The following MAST4 variants were observed in gnomAD, a reference collection of about 807,000 sequenced individuals.
MAST4 encodes the protein microtubule-associated serine/threonine-protein kinase 4.
A neutral mutation model predicts 162.7 loss-of-function variants in MAST4; 89 were observed. That is an observed-to-expected ratio of 0.55 (90% CI 0.46 to 0.65). The LOEUF is 0.65. Ranked by LOEUF, MAST4 falls within the 30% of genes least tolerant of loss-of-function variation. The pLI, the probability that MAST4 is intolerant of heterozygous loss-of-function variation, is 0.00. For synonymous variants in MAST4, 1,479 were observed against 1,361.1 expected, an observed-to-expected ratio of 1.09 and a Z score of -1.91; for missense variants, 3,153 against 3,374.0, an observed-to-expected ratio of 0.93 and a Z score of 1.62.
intron 1 of MAST4, among the ~76,000 whole-genome samples, chr5:66,655,707 C>G (rs1204655737): frequency 1.3e-5 from 2 of 152,162 alleles, no homozygotes; most frequent in East Asian, 3.8e-4. Context: ...AAACAAGATG[C>G]ATCACTTTGT....
chr5:66,978,133 C>T (rs1343860395), intron 4 of MAST4, among the ~76,000 whole-genome samples: 1 of 152,164 alleles, frequency 6.6e-6, no homozygotes, highest in African/African-American at 2.4e-5. Context: ...AGAAGATATA[C>T]TTTGAAATCA....
chr5:66,881,536 C>A (rs1385000842), intron 3 of MAST4, among the ~76,000 whole-genome samples: 3 of 152,196 alleles, frequency 2.0e-5, no homozygotes, highest in African/African-American at 7.2e-5. Context: ...CCCCACCTCT[C>A]CTATCCTTAT....
chr5:66,978,395 G>A (rs1748394133), intron 4 of MAST4, among the ~76,000 whole-genome samples: 1 of 152,114 alleles, frequency 6.6e-6, no homozygotes, highest in Non-Finnish European at 1.5e-5. Flanking sequence ...TGTAAGCTAC[G>A]GCATATCAGC....
intron 3 of MAST4, among the ~76,000 whole-genome samples, chr5:66,847,692 G>A (rs1387287186): frequency 1.3e-5 from 2 of 151,070 alleles, no homozygotes; most frequent in Non-Finnish European, 3.0e-5. Context: ...GTGGTGGTGG[G>A]AGCCTGTAAT....
At chr5:66,713,171 T>C (rs555328709) in intron 1 of MAST4, among the ~76,000 whole-genome samples, 2 of 152,368 alleles carry the variant, frequency 1.3e-5, no homozygotes, top group East Asian at 3.9e-4. Context: ...TAAATACTAA[T>C]CTTGTTTGTA....
intron 14 of MAST4, among the ~76,000 whole-genome samples, chr5:67,122,985 A>G (rs1373761430): frequency 6.6e-6 from 1 of 152,144 alleles, no homozygotes; most frequent in African/African-American, 2.4e-5. Context: ...ATCTCTCATT[A>G]TATTTCTGAT....
intron 4 of MAST4, among the ~76,000 whole-genome samples, chr5:67,001,022 T>C (rs367907137): frequency 2.0e-5 from 3 of 152,238 alleles, no homozygotes; most frequent in South Asian, 4.1e-4. Flanking sequence ...CATTGTTGTA[T>C]AGGCTTAGTT....
chr5:67,143,142 CA>C (rs1484628205), intron 21 of MAST4: 1 of 152,164 alleles, frequency 6.6e-6, no homozygotes, highest in African/African-American at 2.4e-5. Flanking sequence ...TCATAACTGC[CA>C]GGCATAGTGG....
At chr5:67,026,314 G>A (rs1249799084) in intron 4 of MAST4, among the ~76,000 whole-genome samples, 2 of 152,128 alleles carry the variant, frequency 1.3e-5, no homozygotes, top group African/African-American at 4.8e-5. Context: ...TTTACATGCC[G>A]TGCCACTTGC....
chr5:66,708,093 C>T (rs1342357223), intron 1 of MAST4, among the ~76,000 whole-genome samples: 1 of 152,152 alleles, frequency 6.6e-6, no homozygotes, highest in Non-Finnish European at 1.5e-5. Context: ...AATTACTTTT[C>T]TGAGTGTGCA....
chr5:67,038,786 A>C (rs1357841459), intron 4 of MAST4, among the ~76,000 whole-genome samples: 1 of 152,186 alleles, frequency 6.6e-6, no homozygotes, highest in Non-Finnish European at 1.5e-5. Context: ...CATAGCATCA[A>C]ATTTTTGGTG....
intron 4 of MAST4, among the ~76,000 whole-genome samples, chr5:66,973,936 C>T (rs1747788607): frequency 6.6e-6 from 1 of 152,172 alleles, no homozygotes; most frequent in South Asian, 2.1e-4. Context: ...GCTCTTTAAG[C>T]TGGCTCCTGG....
At chr5:66,858,833 T>A (rs781511189) in intron 3 of MAST4, among the ~76,000 whole-genome samples, 26 of 152,166 alleles carry the variant, frequency 1.7e-4, no homozygotes, top group Non-Finnish European at 1.6e-4. Context: ...TTGTGCCTAT[T>A]AAGCTGTTTT....
rs1759425238 is a variant in MAST4 at position 67,060,472 on chromosome 5, AC to A, written c.763+5981del. On this transcript the variant is annotated intron_variant, in intron 5 of 28. Coordinates refer to ENST00000403625, the MANE Select transcript of MAST4 (RefSeq NM_001164664.2). The stretch of plus-strand genomic sequence containing the variant: ...TGCCAGAGATACTCCTGGGAGTATC[AC>A]AATTTTTTTTTTTTTTTTTTTTTTG... 3.4e-5 allele frequency among the ~76,000 whole-genome samples: 5 copies of A among 145,062 alleles called. No individual in the cohort carries two copies. In the South Asian group the frequency reaches 1.1e-3, roughly 32 times the overall value.
intron 1 of MAST4, among the ~76,000 whole-genome samples, chr5:66,631,873 A>C (rs1264043974): frequency 1.3e-5 from 2 of 152,202 alleles, no homozygotes; most frequent in African/African-American, 4.8e-5. Context: ...GAGAATTTAA[A>C]TAATCTGGCA....
At chr5:66,980,009 T>C (rs533212906) in intron 4 of MAST4, among the ~76,000 whole-genome samples, 1 of 144,474 alleles carries the variant, frequency 6.9e-6, no homozygotes, top group South Asian at 2.1e-4. Context: ...TATTGCAAGA[T>C]TTTTGTGTGT....
Position 66,879,037 on chromosome 5 carries a change from T to C in MAST4, c.643-20914T>C, listed in dbSNP as rs188937130. On this transcript the variant is annotated intron_variant, in intron 3 of 28. Coordinates refer to ENST00000403625, the MANE Select transcript of MAST4 (RefSeq NM_001164664.2). ...GCTCACGCCTGTAATCCCAGCACTT[T>C]GGGAGGCCAAGGCTGGCAGATCACG... Among the ~76,000 whole-genome samples the C allele has an allele frequency of 6.8e-3, 1,040 of 152,274 alleles. 8 individuals carry two copies. Among genetic ancestry groups the C allele is most frequent in the Non-Finnish European group, 0.01 (698 of 68,018 alleles).
At chr5:66,836,795 G>A (rs1482542249) in intron 3 of MAST4, among the ~76,000 whole-genome samples, 6 of 152,098 alleles carry the variant, frequency 3.9e-5, no homozygotes. Flanking sequence ...ACCTACTTGA[G>A]GTTGGGAGGA....
At chr5:66,816,830 G>C (rs1374389962) in intron 3 of MAST4, among the ~76,000 whole-genome samples, 2 of 152,132 alleles carry the variant, frequency 1.3e-5, no homozygotes, top group Non-Finnish European at 2.9e-5. Flanking sequence ...GGATCACCTG[G>C]GGTGACTTCA....
Sources: gnomAD v4.1 joint callset for allele counts (sites outside exome capture counted in the v4.1 genomes callset) on GRCh38, gnomAD v4.1.1 for gene constraint, MANE v1.5 for transcripts, NCBI Gene and HGNC (gene_info 2026-07-23, HGNC 2026-07-21) for gene names.